Variants in ARHGEF26 observed in about 807,000 individuals in gnomAD.
ARHGEF26 encodes Rho guanine nucleotide exchange factor 26.
ARHGEF26 carries 59 observed loss-of-function variants against 89.4 expected under a neutral mutation model. The observed-to-expected ratio is 0.66, with a 90% CI of 0.54 to 0.82. ARHGEF26 has a LOEUF of 0.82. Among genes scored for constraint, ARHGEF26 ranks in the 40% least tolerant of loss-of-function variants. ARHGEF26 has a pLI of 0.00. For synonymous variants in ARHGEF26, 500 were observed against 428.4 expected (o/e 1.17, Z -2.06); for missense variants, 1,234 against 1,085.6 (o/e 1.14, Z -1.92).
chr3:154,244,604 A>G (rs577930673), intron 12 of ARHGEF26, among the ~76,000 whole-genome samples: 1 of 152,280 alleles, frequency 6.6e-6, no homozygotes, highest in African/African-American at 2.4e-5. Context: ...TTGACTCTCA[A>G]AAGGTCCTCG....
In ARHGEF26 at chr3:154,180,541, G is replaced by T. The variant is rs1280490159; in HGVS notation, c.1488-7144G>T. Among the ~76,000 whole-genome samples, 33 of 11,574 alleles carry T rather than the reference G, an allele frequency of 2.9e-3. No homozygotes were observed. The Admixed American group carries it at 0.036, about 13-fold the overall frequency. 7.6% of individuals were successfully genotyped at this position (11,574 alleles called of 152,430 possible). ...ATTTCTCTCCCACATGTAACTCACT[G>T]GGGAGGTACCAACACAAAGGACTTA... On this transcript the variant is annotated intron_variant, in intron 6 of 14. Transcript: ENST00000465093.
At chr3:154,182,065 A>AAT (rs545861540) in intron 6 of ARHGEF26, among the ~76,000 whole-genome samples, 13 of 151,648 alleles carry the variant, frequency 8.6e-5, no homozygotes, top group African/African-American at 2.7e-4. Flanking sequence ...ATACACACAC[A>AAT]ATATATATAT....
chr3:154,131,169 A>C lies in ARHGEF26; in HGVS notation c.1269+1450A>C, dbSNP rs78342681. ...ATGAATATGTGATGCTGGTATATGT[A>C]GGTGATAGGGAGTGGTGGGAGCTGT... On this transcript the variant is annotated intron_variant, in intron 4 of 14. Transcript: ENST00000465093. Among the ~76,000 whole-genome samples, 49 of 152,314 alleles carry C rather than the reference A, an allele frequency of 3.2e-4. No homozygotes were observed. The East Asian group carries it at 8.1e-3, about 25-fold the overall frequency.
intron 6 of ARHGEF26, among the ~76,000 whole-genome samples, chr3:154,182,727 G>A (rs1195190749): frequency 2.0e-5 from 3 of 152,248 alleles, no homozygotes; most frequent in African/African-American, 4.8e-5. Context: ...ACCGCTGAGA[G>A]CTGAGGCAGC....
intron 11 of ARHGEF26, among the ~76,000 whole-genome samples, chr3:154,234,915 A>G (rs141305447): frequency 0.058 from 8,818 of 152,068 alleles, 281 homozygotes; most frequent in Middle Eastern, 0.088. Flanking sequence ...ACAGGCGCTC[A>G]CCACCGCGCC....
At chr3:154,220,395 A>T (rs575145148) in intron 10 of ARHGEF26, among the ~76,000 whole-genome samples, 1 of 152,318 alleles carries the variant, frequency 6.6e-6, no homozygotes, top group African/African-American at 2.4e-5. Context: ...TGGAAGGGAG[A>T]TGGACAACTC....
intron 3 of ARHGEF26, among the ~76,000 whole-genome samples, chr3:154,125,215 C>A (rs1300879719): frequency 6.6e-6 from 1 of 152,066 alleles, no homozygotes; most frequent in Non-Finnish European, 1.5e-5. Context: ...GAGTGCCCCT[C>A]CATAGGTCAA....
At position 154,121,939 on chromosome 3, in the gene ARHGEF26, T is replaced by C. The variant is rs1377219474; in HGVS notation, c.-51-3T>C. Reference sequence around the variant, plus strand: ...ACAGTTTCCTAACTTCTTTCCTCTTTAGGCAAGACTAACTCGGTGTTGCTC... The same window carrying C: ...ACAGTTTCCTAACTTCTTTCCTCTTCAGGCAAGACTAACTCGGTGTTGCTC... On this transcript the variant is annotated splice_region_variant and splice_polypyrimidine_tract_variant and intron_variant, in intron 1 of 14. Coordinates refer to ENST00000465093, the MANE Select transcript of ARHGEF26 (RefSeq NM_015595.4). 2 of 1,528,170 alleles carry C rather than the reference T, an allele frequency of 1.3e-6. No homozygotes were observed. The highest frequency in any genetic ancestry group is 4.6e-5 in the East Asian group (2 of 43,886). The allele number at this position is 1,528,170 out of a possible 1,614,324, so 94.7% of individuals were successfully genotyped here.
chr3:154,140,767 GAC>G (rs1369918865), intron 4 of ARHGEF26, among the ~76,000 whole-genome samples: 2 of 151,878 alleles, frequency 1.3e-5, no homozygotes, highest in Non-Finnish European at 2.9e-5. Flanking sequence ...TTTTAATAGA[GAC>G]AGGGTTTTGT....
At chr3:154,229,145 G>C (rs1374355560) in intron 11 of ARHGEF26, among the ~76,000 whole-genome samples, 1 of 152,166 alleles carries the variant, frequency 6.6e-6, no homozygotes, top group Non-Finnish European at 1.5e-5. Flanking sequence ...CCATGACACT[G>C]TCTTTGTGAC....
At chr3:154,184,515 C>T (rs1239664706) in intron 6 of ARHGEF26, among the ~76,000 whole-genome samples, 1 of 152,194 alleles carries the variant, frequency 6.6e-6, no homozygotes, top group Admixed American at 6.5e-5. Context: ...AAATCTCTGT[C>T]TTCATTAATG....
At chr3:154,180,328 G>A (rs1405997572) in intron 6 of ARHGEF26, among the ~76,000 whole-genome samples, 1 of 151,958 alleles carries the variant, frequency 6.6e-6, no homozygotes, top group African/African-American at 2.4e-5. Context: ...CTGCCACAGG[G>A]GGCTCTAAAA....
intron 6 of ARHGEF26, among the ~76,000 whole-genome samples, chr3:154,176,155 T>C (rs1438589308): frequency 2.0e-5 from 3 of 152,178 alleles, no homozygotes; most frequent in Admixed American, 6.5e-5. Context: ...ACTATCACCC[T>C]GTGAAAGGAT....
In ARHGEF26 at chr3:154,254,740, G is replaced by T; in HGVS notation, c.2389G>T (p.Val797Phe). 2 of 1,613,826 alleles carry T rather than the reference G, an allele frequency of 1.2e-6. No homozygotes were observed. Among genetic ancestry groups the T allele is most frequent in the Non-Finnish European group, 1.7e-6 (2 of 1,179,820 alleles). The change falls in exon 14 of 15, where the codon GTT becomes TTT. Residue 797 changes from valine to phenylalanine, a missense_variant. Transcript: ENST00000465093. ...CTCAGCACTGACCCAGGTGGAAATC[G>T]TTAGGTCATTTACTGCTAAGCAGCC... ...DRTSLTQVEI[V>F]RSFTAKQPDE...
At chr3:154,211,746 A>G (rs1438180425) in intron 9 of ARHGEF26, among the ~76,000 whole-genome samples, 2 of 152,186 alleles carry the variant, frequency 1.3e-5, no homozygotes, top group Non-Finnish European at 2.9e-5. Context: ...CCTTGGGCCA[A>G]TATATATATT....
chr3:154,206,692 G>A (rs1715038561), intron 9 of ARHGEF26, among the ~76,000 whole-genome samples: 1 of 152,104 alleles, frequency 6.6e-6, no homozygotes. Flanking sequence ...ACTGCCCAAA[G>A]CAATTTATAG....
At position 154,162,907 on chromosome 3, in the gene ARHGEF26, C is replaced by T. The variant is rs114613459; in HGVS notation, c.1487+9975C>T. ...AATCATACAAATGCACTATAATAAA[C>T]GATGCTTTTAGAAAGCGCTCATTGA... On this transcript the variant is annotated intron_variant, in intron 6 of 14. Coordinates refer to ENST00000465093, the MANE Select transcript of ARHGEF26 (RefSeq NM_015595.4). Among the ~76,000 whole-genome samples, 962 of 152,172 alleles carry T rather than the reference C, an allele frequency of 6.3e-3. 8 individuals carry two copies. The highest frequency in any genetic ancestry group is 0.022 in the African/African-American group (916 of 41,514).
chr3:154,239,310 G>A (rs1717345734), intron 11 of ARHGEF26, among the ~76,000 whole-genome samples: 4 of 32,416 alleles, frequency 1.2e-4, no homozygotes, highest in African/African-American at 2.9e-4. Context: ...GTGTGTGTGT[G>A]TGTGTGTGTG....
chr3:154,143,213 C>T (rs922600581), intron 4 of ARHGEF26, among the ~76,000 whole-genome samples: 1 of 152,172 alleles, frequency 6.6e-6, no homozygotes, highest in Non-Finnish European at 1.5e-5. Flanking sequence ...CTATCTCTTT[C>T]TATTCAATCA....
Sources: allele counts gnomAD v4.1 joint callset (sites outside exome capture counted in the v4.1 genomes callset), GRCh38; gene constraint gnomAD v4.1.1; transcripts MANE v1.5; gene names NCBI Gene and HGNC (gene_info 2026-07-23, HGNC 2026-07-21).